Variants in SYTL2 observed in about 807,000 individuals in gnomAD.
The protein encoded by SYTL2 is synaptotagmin like 2.
Under a neutral mutation model 198.7 loss-of-function variants are expected in SYTL2, and 165 were observed. The observed-to-expected ratio is 0.83, with a 90% CI of 0.73 to 0.94. SYTL2 has a LOEUF of 0.94. Ranked by LOEUF, SYTL2 falls within the 40% of genes least tolerant of loss-of-function variation. The pLI is 0.00. For missense variants in SYTL2, 2,835 were observed against 2,582.8 expected (o/e 1.10, Z -2.12); for synonymous variants, 966 against 917.7 (o/e 1.05, Z -0.95).
At chr11:85,737,510 G>T in intron 5 of SYTL2, 65 bp downstream of exon 5, 3 of 1,289,030 alleles carry the variant, frequency 2.3e-6, no homozygotes, top group South Asian at 2.5e-5. Flanking sequence ...GTGGTGCTTT[G>T]ACACAATGAG....
At chr11:85,766,197 G>A (rs2153569389) in intron 1 of SYTL2, among the ~76,000 whole-genome samples, 1 of 152,270 alleles carries the variant, frequency 6.6e-6, no homozygotes, top group Non-Finnish European at 1.5e-5. Flanking sequence ...ACCCCAAGAG[G>A]CCTAAAGTGT....
chr11:85,803,562 T>C (rs2092920070), intron 1 of SYTL2, among the ~76,000 whole-genome samples: 1 of 152,236 alleles, frequency 6.6e-6, no homozygotes, highest in African/African-American at 2.4e-5. Context: ...AGAAATATCC[T>C]AGGTTTTCTG....
the SYTL2 span, among the ~76,000 whole-genome samples, chr11:85,829,974 G>A: frequency 6.6e-6 from 1 of 152,194 alleles, no homozygotes; most frequent in Non-Finnish European, 1.5e-5. Flanking sequence ...ATTTCTAAAT[G>A]TCAACTAATT....
the SYTL2 span, among the ~76,000 whole-genome samples, chr11:85,832,613 T>G: frequency 6.6e-6 from 1 of 152,162 alleles, no homozygotes; most frequent in African/African-American, 2.4e-5. Context: ...ATTGGAAATC[T>G]GACTTAGTTT....
intron 15 of SYTL2, among the ~76,000 whole-genome samples, chr11:85,705,963 T>C (rs957600429): frequency 2.0e-5 from 3 of 152,210 alleles, no homozygotes; most frequent in Admixed American, 2.0e-4. Flanking sequence ...CAGAGGATGA[T>C]CAAATACTTG....
intron 6 of SYTL2, among the ~76,000 whole-genome samples, chr11:85,735,676 G>A (rs1177562388): frequency 6.6e-6 from 1 of 151,876 alleles, no homozygotes; most frequent in Non-Finnish European, 1.5e-5. Context: ...AGAAGCCCCG[G>A]AACCCGGGAG....
chr11:85,800,882 C>G (rs970627813), intron 1 of SYTL2, among the ~76,000 whole-genome samples: 27 of 152,204 alleles, frequency 1.8e-4, no homozygotes, highest in Non-Finnish European at 2.1e-4. Flanking sequence ...ACTGTCTTCA[C>G]ATTGAGGCAC....
intron 14 of SYTL2, chr11:85,707,956 CAAAA>C (rs11464135): frequency 4.2e-4 from 36 of 84,790 alleles, no homozygotes; most frequent in Middle Eastern, 7.8e-3. Context: ...AGGCTGGTCT[CAAAA>C]AAAAAAAAAA....
At chr11:85,751,028 C>G (rs1015274837) in intron 2 of SYTL2, among the ~76,000 whole-genome samples, 1 of 152,120 alleles carries the variant, frequency 6.6e-6, no homozygotes, top group African/African-American at 2.4e-5. Context: ...TCTGTAAGCC[C>G]ACGATCAATG....
chr11:85,822,051 T>C, the SYTL2 span, among the ~76,000 whole-genome samples: 3,129 of 152,322 alleles, frequency 0.021, 104 homozygotes, highest in African/African-American at 0.072. Context: ...AGAGATCTAA[T>C]AGTTATACCA....
the SYTL2 span, among the ~76,000 whole-genome samples, chr11:85,825,159 C>T: frequency 2.6e-5 from 4 of 152,192 alleles, no homozygotes; most frequent in East Asian, 3.9e-4. Context: ...GAGGCCGAGG[C>T]GGGCGGATCA....
chr11:85,726,397 C>G lies in SYTL2; in HGVS notation c.2961G>C (p.Lys987Asn). 1 of 1,613,306 alleles carries G rather than the reference C, an allele frequency of 6.2e-7. No homozygotes were observed. Residue 987 changes from lysine to asparagine, a missense_variant, in exon 8 of 20, where the codon AAG becomes AAC. Lys to Asn is a moderately conservative substitution (Grantham distance 94, BLOSUM62 0). Around this residue, in one of 3 missense-constraint regions of SYTL2, gnomAD observed 2,645 missense variants for 2,381.7 expected, o/e 1.11. Transcript: ENST00000359152. Reference protein sequence around the residue: ...YNPSQFENLRKFWDLEANSNS... With the variant: ...YNPSQFENLRNFWDLEANSNS... ...TTGAATTAGCTTCTAAGTCCCAAAA[C>G]TTTCTCAAATTCTCAAACTGAGAGG... is the stretch of plus-strand genomic sequence containing the variant.
Position 85,736,542 on chromosome 11 carries a change from G to A in SYTL2, c.545C>T (p.Ser182Leu). 1.2e-6 allele frequency: 2 copies of A among 1,603,094 alleles called. No individual in the cohort carries two copies. The highest frequency in any genetic ancestry group is 1.7e-6 in the Non-Finnish European group (2 of 1,173,224). The change falls in exon 6 of 20, where the codon TCA (serine) becomes TTA (leucine). Residue 182 changes from serine (S) to leucine (L), a missense_variant. This residue lies in a region of SYTL2 where 2,645 missense variants were observed against 2,381.7 expected (regional missense o/e 1.11). Coordinates refer to ENST00000359152, the MANE Select transcript of SYTL2 (RefSeq NM_206927.4). ...AAATAAACCAGTTCTTCCATTTTTT[G>A]ACTGTTCATTTTTAGTTTGTTGTGA... ...HSSQQTKNEQ[S>L]KNGRTGLFQT...
intron 15 of SYTL2, among the ~76,000 whole-genome samples, chr11:85,706,479 G>A (rs1451096440): frequency 6.6e-6 from 1 of 152,194 alleles, no homozygotes; most frequent in African/African-American, 2.4e-5. Context: ...AGAACTTAGG[G>A]GTTAAGCACA....
Position 85,745,675 on chromosome 11 carries a change from T to C in SYTL2, c.351A>G (p.Val117=). The C allele has an allele frequency of 6.2e-7, 1 of 1,613,938 alleles. No homozygotes were observed. Residue 117 remains valine (V), a synonymous_variant, in exon 4 of 20, where the codon GTA becomes GTG. Coordinates refer to ENST00000359152, the MANE Select transcript of SYTL2 (RefSeq NM_206927.4). ...GTGCTGCATCTTCTTCTGGCTCTTC[T>C]ACAACGCCAGCCAGCTCTGGAGGAA... The part of the protein sequence containing the change: ...AFLPPELAGV[V]EEPEEDAAPA...
rs147692552 is a variant in SYTL2, at chr11:85,696,088, C to T, written c.6574+95G>A. The T allele has an allele frequency of 6.4e-4, 610 of 958,940 alleles. 4 individuals carry two copies. The South Asian group carries it at 7.7e-3, about 12-fold the overall frequency. The allele number at this position is 958,940 out of a possible 1,614,324, so 59.4% of individuals were successfully genotyped here. On this transcript the variant is annotated intron_variant, in intron 19 of 19. Coordinates refer to ENST00000359152, the MANE Select transcript of SYTL2 (RefSeq NM_206927.4). ...AGAGATATCTGTTTTCAGGATATCT[C>T]GGTTTTCACTGGGAAGAAGCAAAGC...
At chr11:85,701,076 G>A (rs1194001624) in intron 16 of SYTL2, among the ~76,000 whole-genome samples, 3 of 152,160 alleles carry the variant, frequency 2.0e-5, no homozygotes, top group South Asian at 4.1e-4. Context: ...ATGCATAGAA[G>A]TCTGTAAGTA....
chr11:85,789,399 T>A (rs868248826), intron 1 of SYTL2, among the ~76,000 whole-genome samples: 17 of 116,142 alleles, frequency 1.5e-4, no homozygotes, highest in African/African-American at 4.9e-4. Context: ...TATATATATA[T>A]AATTTTTTTT....
At chr11:85,718,928 A>T in intron 9 of SYTL2, 85 bp from the exon 10 acceptor site, 1 of 1,565,484 alleles carries the variant, frequency 6.4e-7, no homozygotes, top group Non-Finnish European at 8.6e-7. Flanking sequence ...AAGCCCCCGG[A>T]GTTGGAAGCA....
Sources: gnomAD v4.1 joint callset for allele counts (sites outside exome capture counted in the v4.1 genomes callset) on GRCh38, gnomAD v4.1.1 for gene constraint, gnomAD v4.1.1 regional missense constraint, MANE v1.5 for transcripts, NCBI Gene and HGNC (gene_info 2026-07-23, HGNC 2026-07-21) for gene names.